The following DPYSL5 variants were observed in gnomAD, a reference collection of about 807,000 sequenced individuals.
DPYSL5 encodes the protein dihydropyrimidinase-related protein 5.
In DPYSL5, 9 loss-of-function variants were observed where a neutral mutation model predicts 58.4. That is an observed-to-expected ratio of 0.15 (90% CI 0.09 to 0.27). The LOEUF (loss-of-function observed/expected upper bound fraction) is 0.27. DPYSL5 is among the 10% of genes least tolerant of loss of function. The pLI, the probability that DPYSL5 is intolerant of heterozygous loss-of-function variation, is 1.00. For synonymous variants in DPYSL5, 293 were observed against 301.9 expected (o/e 0.97, Z 0.31); for missense variants, 499 against 770.6 (o/e 0.65, Z 4.17).
intron 1 of DPYSL5, among the ~76,000 whole-genome samples, chr2:26,874,359 T>G (rs1663353371): frequency 6.6e-6 from 1 of 152,206 alleles, no homozygotes; most frequent in Non-Finnish European, 1.5e-5. Context: ...CTCCTATATT[T>G]TTTCCTAGGA....
In DPYSL5 at chr2:26,931,619, C is replaced by T. The variant is rs149150079; in HGVS notation, c.670-21C>T. ...AGGAGATGGTGAAGTTTGGTTTCCT[C>T]CTGTCCTTTGTTTCTAACAGCTGGA... On this transcript the variant is annotated intron_variant, in intron 5 of 12. Coordinates refer to ENST00000288699, the MANE Select transcript of DPYSL5 (RefSeq NM_020134.4). The T allele has an allele frequency of 1.1e-3, 1,826 of 1,613,768 alleles. 3 individuals are homozygous for T. The highest frequency in any genetic ancestry group is 4.9e-4 in the Non-Finnish European group (576 of 1,179,814).
At chr2:26,911,199 CTCT>C (rs1664431981) in intron 2 of DPYSL5, among the ~76,000 whole-genome samples, 1 of 148,810 alleles carries the variant, frequency 6.7e-6, no homozygotes, top group Admixed American at 6.9e-5. Flanking sequence ...GTGGACTCTT[CTCT>C]TCTTTTGATC....
At chr2:26,865,338 T>A (rs1572674638) in intron 1 of DPYSL5, among the ~76,000 whole-genome samples, 1 of 110,376 alleles carries the variant, frequency 9.1e-6, no homozygotes, top group African/African-American at 3.9e-5. Flanking sequence ...TTTTTTTTTT[T>A]AAGACGAAGT....
intron 1 of DPYSL5, among the ~76,000 whole-genome samples, chr2:26,873,827 T>C (rs556681472): frequency 6.6e-6 from 1 of 152,308 alleles, no homozygotes; most frequent in South Asian, 2.1e-4. Flanking sequence ...GTCTACTGAC[T>C]CAACTGCTAA....
Position 26,931,724 on chromosome 2 carries a change from CTTG to C in DPYSL5, c.714+41_714+43del, listed in dbSNP as rs767833857. On this transcript the variant is annotated intron_variant, in intron 6 of 12. Transcript: ENST00000288699. ...GTCCACTGTGGGATTAGAAACCAAC[CTTG>C]GCCAGGCACGGTGCTGATGTCTGTA... is the stretch of plus-strand genomic sequence containing the variant. 5.0e-6 allele frequency: 8 copies of C among 1,609,652 alleles called. No homozygotes were observed. The South Asian group carries it at 7.7e-5, about 15-fold the overall frequency.
intron 1 of DPYSL5, among the ~76,000 whole-genome samples, chr2:26,859,952 G>A (rs1665969385): frequency 6.6e-6 from 1 of 152,188 alleles, no homozygotes; most frequent in Admixed American, 6.5e-5. Context: ...CGGGCAGTGC[G>A]ATTTCCAGGA....
chr2:26,942,657 C>T lies in DPYSL5; in HGVS notation c.1347C>T (p.Asn449=), dbSNP rs141571173. 12 of 1,613,898 alleles carry T rather than the reference C, an allele frequency of 7.4e-6. No homozygotes were observed. The highest frequency in any genetic ancestry group is 6.7e-5 in the East Asian group (3 of 44,848). Residue 449 remains asparagine, a synonymous_variant, in exon 11 of 13, where the codon AAC becomes AAT. Transcript: ENST00000288699. This position sits in a 1 kb window ranked among gnomAD's most constrained non-coding sequence, Gnocchi z 5.9. The part of the protein sequence containing the change: ...TISRGRVVYE[N]GVFMCAEGTG... ...GCCGGGGGCGCGTCGTGTATGAGAA[C>T]GGCGTCTTCATGTGCGCCGAGGGCA... is the stretch of plus-strand genomic sequence containing the variant.
rs199591760 is a variant in DPYSL5, at chr2:26,858,834, A to G, written c.-5+10580A>G. 2.6e-5 allele frequency among the ~76,000 whole-genome samples: 4 copies of G among 151,658 alleles called. No homozygotes were observed. The East Asian group carries it at 7.8e-4, about 29-fold the overall frequency. On this transcript the variant is annotated intron_variant, in intron 1 of 12. Coordinates refer to ENST00000288699, the MANE Select transcript of DPYSL5 (RefSeq NM_020134.4). The stretch of plus-strand genomic sequence containing the variant: ...AGCAATCCCCCCGCCTTGGCCTCCT[A>G]CAGTGCTGGGATTACAGACATCCAC...
intron 1 of DPYSL5, among the ~76,000 whole-genome samples, chr2:26,869,143 T>C (rs1663193704): frequency 6.6e-6 from 1 of 152,156 alleles, no homozygotes; most frequent in Admixed American, 6.5e-5. Context: ...TTTTGTATTT[T>C]TTGAAGAGAC....
chr2:26,880,658 T>C (rs892425918), intron 1 of DPYSL5, among the ~76,000 whole-genome samples: 12 of 152,184 alleles, frequency 7.9e-5, no homozygotes, highest in Admixed American at 5.2e-4. Flanking sequence ...AGAGAACACC[T>C]GCTTTGCTCC....
intron 11 of DPYSL5, among the ~76,000 whole-genome samples, chr2:26,943,526 G>A (rs1558357363): frequency 6.6e-6 from 1 of 152,176 alleles, no homozygotes; most frequent in African/African-American, 2.4e-5. Context: ...GCCTCCTAAA[G>A]TGCTGGGATT....
At chr2:26,879,962 C>T (rs1021428146) in intron 1 of DPYSL5, among the ~76,000 whole-genome samples, 3 of 152,062 alleles carry the variant, frequency 2.0e-5, no homozygotes, top group Non-Finnish European at 1.5e-5. Flanking sequence ...ATGATCATGG[C>T]TCACTGCAGC....
At chr2:26,868,779 C>G (rs1033482595) in intron 1 of DPYSL5, among the ~76,000 whole-genome samples, 1 of 152,130 alleles carries the variant, frequency 6.6e-6, no homozygotes, top group African/African-American at 2.4e-5. Context: ...TTATAATTTT[C>G]TCAACTCCTC....
chr2:26,880,866 C>T (rs963191322), intron 1 of DPYSL5, among the ~76,000 whole-genome samples: 5 of 152,270 alleles, frequency 3.3e-5, no homozygotes, highest in African/African-American at 1.2e-4. Flanking sequence ...GAATGAGTCC[C>T]CTCTATGTGC....
intron 2 of DPYSL5, among the ~76,000 whole-genome samples, chr2:26,920,719 T>G (rs1255019638): frequency 2.0e-5 from 3 of 152,174 alleles, no homozygotes; most frequent in Non-Finnish European, 4.4e-5. Flanking sequence ...GAGCCAAGAT[T>G]GCACCACTGC....
At chr2:26,851,757 A>G (rs1249733157) in intron 1 of DPYSL5, among the ~76,000 whole-genome samples, 1 of 152,194 alleles carries the variant, frequency 6.6e-6, no homozygotes, top group Non-Finnish European at 1.5e-5. Context: ...AGCCTGGCCA[A>G]CATGGTGAAA....
chr2:26,945,412 T>C (rs1403617964), intron 12 of DPYSL5, among the ~76,000 whole-genome samples: 2 of 152,108 alleles, frequency 1.3e-5, no homozygotes, highest in African/African-American at 4.8e-5. Flanking sequence ...CTTTCTGTCC[T>C]TTGGGTCCTG....
rs1665705976 is a variant in DPYSL5, at chr2:26,849,910, G to T, written c.-5+1656G>T. Among the ~76,000 whole-genome samples the T allele has an allele frequency of 6.6e-6, 1 of 152,182 alleles. No homozygotes were observed. Among genetic ancestry groups the T allele is most frequent in the African/African-American group, 2.4e-5 (1 of 41,456 alleles). On this transcript the variant is annotated intron_variant, in intron 1 of 12. Transcript: ENST00000288699. The surrounding 1 kb of genome is among the most constrained non-coding windows in gnomAD (Gnocchi z 6.2). The stretch of plus-strand genomic sequence containing the variant: ...GCCTTCTGGTGCAGCGCCGCCGCCC[G>T]CCCCGCGCTGTCCACCCGCTGCCGA...
chr2:26,911,273 C>T (rs1664433387), intron 2 of DPYSL5, among the ~76,000 whole-genome samples: 1 of 152,074 alleles, frequency 6.6e-6, no homozygotes, highest in African/African-American at 2.4e-5. Context: ...TACAGTAAGT[C>T]TTGAAAGCGG....
Sources: allele counts gnomAD v4.1 joint callset (sites outside exome capture counted in the v4.1 genomes callset), GRCh38; gene constraint gnomAD v4.1.1; non-coding constraint Gnocchi (gnomAD v3.1); transcripts MANE v1.5; gene names NCBI Gene and HGNC (gene_info 2026-07-23, HGNC 2026-07-21).